VPS53: variants seen among roughly 807,000 people sequenced by gnomAD.
The protein encoded by VPS53 is VPS53 subunit of GARP complex.
Under a neutral mutation model 107.0 loss-of-function variants are expected in VPS53, and 70 were observed. The observed-to-expected ratio is 0.65, with a 90% CI of 0.54 to 0.80. The LOEUF (loss-of-function observed/expected upper bound fraction) is 0.80, where lower values mean the gene tolerates loss of function less well. VPS53 is among the 30% of genes least tolerant of loss of function. The pLI is 0.00. For synonymous variants in VPS53, 409 were observed against 393.3 expected (o/e 1.04, Z -0.47); for missense variants, 917 against 1,049.4 (o/e 0.87, Z 1.74).
At chr17:539,290 C>A (rs1481251019) in intron 17 of VPS53, 1 of 152,184 alleles carries the variant, frequency 6.6e-6, no homozygotes, top group Non-Finnish European at 1.5e-5. Context: ...TCTTCAACTT[C>A]CCACTGGTTA....
Position 531,631 on chromosome 17 carries a change from T to C in VPS53, c.2085+1211A>G, listed in dbSNP as rs184543118. Reference sequence around the variant, plus strand: ...CGACTTCAGCCTCCTCCTGAGCAGCTGGGACTACAGGTGTGGACCGTTTTT... The same window carrying C: ...CGACTTCAGCCTCCTCCTGAGCAGCCGGGACTACAGGTGTGGACCGTTTTT... On this transcript the variant is annotated intron_variant, in intron 19 of 21. Transcript: ENST00000437048. 9.5e-4 allele frequency among the ~76,000 whole-genome samples: 144 copies of C among 152,216 alleles called. 2 individuals carry two copies. The highest frequency in any genetic ancestry group is 3.4e-3 in the African/African-American group (141 of 41,532).
rs1404045872 is a variant in VPS53 at position 690,478 on chromosome 17, G to C, written c.285+6940C>G. ...AAAACTGATAGATCTGGCAATTCCA[G>C]GTCTGCGTTCAGACGTGACAACAGC... On this transcript the variant is annotated intron_variant, in intron 4 of 21. Coordinates refer to ENST00000437048, the MANE Select transcript of VPS53 (RefSeq NM_001128159.3). Among the ~76,000 whole-genome samples the C allele has an allele frequency of 2.0e-5, 3 of 152,226 alleles. 1 individual carries two copies. The East Asian group carries it at 5.8e-4, about 29-fold the overall frequency.
At chr17:602,538 G>A (rs1968376695) in intron 11 of VPS53, among the ~76,000 whole-genome samples, 1 of 152,194 alleles carries the variant, frequency 6.6e-6, no homozygotes, top group Admixed American at 6.5e-5. Flanking sequence ...TTCCAAATAT[G>A]ACCACTATTT....
At chr17:617,708 G>C (rs1195059495) in intron 11 of VPS53, among the ~76,000 whole-genome samples, 4 of 139,154 alleles carry the variant, frequency 2.9e-5, no homozygotes, top group African/African-American at 5.5e-5. Context: ...TGCGCCATCA[G>C]GCCCCGCTAT....
intron 11 of VPS53, among the ~76,000 whole-genome samples, chr17:618,246 C>T (rs1969242250): frequency 2.5e-5 from 2 of 80,068 alleles, no homozygotes; most frequent in Non-Finnish European, 6.0e-5. Context: ...GGACTACAGG[C>T]GTGCACCACC....
At chr17:707,388 C>T (rs1973447715) in intron 2 of VPS53, among the ~76,000 whole-genome samples, 1 of 151,690 alleles carries the variant, frequency 6.6e-6, no homozygotes, top group Non-Finnish European at 1.5e-5. Context: ...CGCGTAGTGG[C>T]AGGCCCCTGT....
chr17:625,901 T>C (rs1444540058), intron 10 of VPS53, among the ~76,000 whole-genome samples: 1 of 152,164 alleles, frequency 6.6e-6, no homozygotes, highest in African/African-American at 2.4e-5. Context: ...CACCCAGCAT[T>C]AGATCTAACT....
At chr17:606,769 A>AG (rs1048652700) in intron 11 of VPS53, among the ~76,000 whole-genome samples, 1 of 152,026 alleles carries the variant, frequency 6.6e-6, no homozygotes, top group African/African-American at 2.4e-5. Context: ...CTCATATGAG[A>AG]GGTCTAGGTT....
intron 18 of VPS53, 183 bp from the exon 19 acceptor site, chr17:533,094 T>C: frequency 8.8e-7 from 1 of 1,138,704 alleles, no homozygotes; most frequent in Non-Finnish European, 1.2e-6. Flanking sequence ...TTTAGTTACA[T>C]GAGGCCCTGG....
chr17:543,460 C>T (rs1910864108), intron 17 of VPS53, among the ~76,000 whole-genome samples: 1 of 151,934 alleles, frequency 6.6e-6, no homozygotes. Context: ...AGGCAAAACA[C>T]TAGGTGTGTT....
chr17:564,967 G>A (rs1222667178), intron 13 of VPS53, among the ~76,000 whole-genome samples: 7 of 152,130 alleles, frequency 4.6e-5, no homozygotes, highest in Admixed American at 1.3e-4. Context: ...TTAGGTTGCC[G>A]TTTAAGGCTA....
At chr17:596,686 T>A (rs1967991265) in intron 12 of VPS53, among the ~76,000 whole-genome samples, 1 of 152,216 alleles carries the variant, frequency 6.6e-6, no homozygotes. Context: ...ATGGCTACGT[T>A]ATGAACGTGC....
intron 7 of VPS53, among the ~76,000 whole-genome samples, chr17:636,912 C>G (rs1325952069): frequency 2.0e-5 from 3 of 152,168 alleles, no homozygotes; most frequent in Admixed American, 2.0e-4. Flanking sequence ...GCTTTGGTAT[C>G]AGGATGATGC....
Position 643,253 on chromosome 17 carries a change from TTGGAAAGTGAGGA to T in VPS53, c.608+10025_608+10037del, listed in dbSNP as rs1251384142. 1.6e-4 allele frequency among the ~76,000 whole-genome samples: 4 copies of T among 25,128 alleles called. 1 individual carries two copies. In the East Asian group the frequency reaches 8.9e-3, roughly 56 times the overall value. 16.5% of individuals were successfully genotyped at this position (25,128 alleles called of 152,430 possible). On this transcript the variant is annotated intron_variant, in intron 7 of 21. Transcript: ENST00000437048. ...TGGAAACCGAGGACAACACTCATAC[TTGGAAAGTGAGGA>T]CAACACTCATACTTGGAAAGTGAGG...
intron 11 of VPS53, among the ~76,000 whole-genome samples, chr17:616,933 A>G (rs1969163791): frequency 6.6e-6 from 1 of 152,210 alleles, no homozygotes; most frequent in Admixed American, 6.5e-5. Flanking sequence ...CAACAGGGCC[A>G]TTTGTTCCTC....
intron 11 of VPS53, among the ~76,000 whole-genome samples, chr17:604,315 A>C (rs926350580): frequency 1.3e-5 from 2 of 152,110 alleles, no homozygotes; most frequent in Non-Finnish European, 2.9e-5. Context: ...GTAAAGCATC[A>C]AGAAAACGCA....
rs865920129 is a variant in VPS53, at chr17:598,712, A to C, written c.1218+3083T>G. On this transcript the variant is annotated intron_variant, in intron 12 of 21. Coordinates refer to ENST00000437048, the MANE Select transcript of VPS53 (RefSeq NM_001128159.3). ...GCCGCCCCGTCTGAGAAGTGAGGAG[A>C]CCCTCTGCCCGGCAACCGCCCCGTC... Among the ~76,000 whole-genome samples, 286 of 74,492 alleles carry C rather than the reference A, an allele frequency of 3.8e-3. 6 individuals are homozygous for C. The highest frequency in any genetic ancestry group is 7.0e-3 in the East Asian group (9 of 1,284). 48.9% of individuals were successfully genotyped at this position (74,492 alleles called of 152,430 possible). A position where few individuals can be genotyped will look rare whatever the true frequency, so the allele number is the denominator to read the frequency against.
Position 516,807 on chromosome 17 carries a change from C to A in VPS53, c.*2321G>T, listed in dbSNP as rs1302882201. 1 of 152,286 alleles carries A rather than the reference C, an allele frequency of 6.6e-6. No individual in the cohort carries two copies. Among genetic ancestry groups the A allele is most frequent in the African/African-American group, 2.4e-5 (1 of 41,472 alleles). The allele number at this position is 152,286 out of a possible 1,614,324, so 9.4% of individuals were successfully genotyped here. On this transcript the variant is annotated 3_prime_UTR_variant, in exon 22 of 22. Transcript: ENST00000437048. ...ACATCCATTGGTTCCTTGGGGATTA[C>A]TGACAATGTAACAAATCAAGACAGC...
intron 2 of VPS53, among the ~76,000 whole-genome samples, chr17:708,422 A>T (rs1397985349): frequency 2.0e-5 from 3 of 152,186 alleles, no homozygotes; most frequent in Admixed American, 2.0e-4. Flanking sequence ...TAACACTTTC[A>T]CTAATTCTGC....
Sources: allele counts gnomAD v4.1 joint callset (sites outside exome capture counted in the v4.1 genomes callset), GRCh38; gene constraint gnomAD v4.1.1; transcripts MANE v1.5; gene names NCBI Gene and HGNC (gene_info 2026-07-23, HGNC 2026-07-21).